PLPP3: variants seen among roughly 807,000 people sequenced by gnomAD.
The protein encoded by PLPP3 is phospholipid phosphatase 3.
A neutral mutation model predicts 29.6 loss-of-function variants in PLPP3; 6 were observed. The ratio of observed to expected loss-of-function variants is 0.20; its 90% confidence interval spans 0.11 to 0.40. The LOEUF is 0.40. Ranked by LOEUF, PLPP3 falls within the 10% of genes least tolerant of loss-of-function variation. The pLI is 1.00. For synonymous variants in PLPP3, 152 were observed against 159.7 expected (o/e 0.95, Z 0.36); for missense variants, 308 against 407.7 (o/e 0.76, Z 2.11).
intron 5 of PLPP3, among the ~76,000 whole-genome samples, chr1:56,499,513 T>C (rs1264652544): frequency 6.6e-6 from 1 of 152,198 alleles, no homozygotes; most frequent in Non-Finnish European, 1.5e-5. Context: ...AAAAATTCTC[T>C]CTACTTACTA....
intron 1 of PLPP3, among the ~76,000 whole-genome samples, chr1:56,544,334 T>C (rs1398274181): frequency 6.6e-6 from 1 of 152,188 alleles, no homozygotes; most frequent in Non-Finnish European, 1.5e-5. Context: ...CAAACCTCTT[T>C]TGTCATCATT....
intron 1 of PLPP3, among the ~76,000 whole-genome samples, chr1:56,578,565 C>G (rs1646253356): frequency 6.6e-6 from 1 of 152,206 alleles, no homozygotes; most frequent in African/African-American, 2.4e-5. Flanking sequence ...GCTAAAAGGA[C>G]GAACCCACAC....
chr1:56,496,485 T>G lies in PLPP3; in HGVS notation c.*66A>C. On this transcript the variant is annotated 3_prime_UTR_variant, in exon 6 of 6. Coordinates refer to ENST00000371250, the MANE Select transcript of PLPP3 (RefSeq NM_003713.5). ...CCTACATTCTACTGTCTGATGAGAT[T>G]GGAGAGCAGCAAGAACTTGCTGTCA... is the stretch of plus-strand genomic sequence containing the variant. 6.3e-7 allele frequency: 1 copy of G among 1,577,306 alleles called. No individual in the cohort carries two copies. Among genetic ancestry groups the G allele is most frequent in the Non-Finnish European group, 8.7e-7 (1 of 1,151,554 alleles).
In PLPP3 at chr1:56,523,895, G is replaced by C. The variant is rs1389486247; in HGVS notation, c.576-15C>G. On this transcript the variant is annotated splice_polypyrimidine_tract_variant and intron_variant, in intron 3 of 5. Transcript: ENST00000371250. ...AGAAGGACTTCCTGCAAGAGCAAGA[G>C]AGGGCCATGAAAGGGCCGTATTCAC... 1.2e-6 allele frequency: 2 copies of C among 1,613,018 alleles called. No individual in the cohort carries two copies. Among genetic ancestry groups the C allele is most frequent in the East Asian group, 4.5e-5 (2 of 44,830 alleles).
At chr1:56,571,206 C>T (rs1646195338) in intron 1 of PLPP3, among the ~76,000 whole-genome samples, 1 of 152,164 alleles carries the variant, frequency 6.6e-6, no homozygotes, top group South Asian at 2.1e-4. Context: ...ACCTCTAGTT[C>T]CCATTTGTGA....
intron 1 of PLPP3, among the ~76,000 whole-genome samples, chr1:56,574,556 G>A (rs903907031): frequency 6.6e-6 from 1 of 152,088 alleles, no homozygotes; most frequent in Admixed American, 6.5e-5. Flanking sequence ...CACCCAACGA[G>A]GCTCTTTTCT....
At position 56,523,673 on chromosome 1, in the gene PLPP3, C is replaced by T. The variant is rs187336815; in HGVS notation, c.633+150G>A. On this transcript the variant is annotated intron_variant, in intron 4 of 5. Transcript: ENST00000371250. ...ATAACTTCTGCTAAGGCAGTGGCAG[C>T]GCTCAGAATTAAACCTAACTTTTCT... 5.0e-3 allele frequency: 4,004 copies of T among 794,768 alleles called. 21 individuals are homozygous for T. Among genetic ancestry groups the T allele is most frequent in the South Asian group, 0.018 (1,063 of 59,460 alleles). 49.2% of individuals were successfully genotyped at this position (794,768 alleles called of 1,614,324 possible).
intron 1 of PLPP3, among the ~76,000 whole-genome samples, chr1:56,542,813 T>G (rs1645979101): frequency 6.6e-6 from 1 of 151,922 alleles, no homozygotes; most frequent in Non-Finnish European, 1.5e-5. Context: ...CTTGAGCTCA[T>G]AAGTCCGAGA....
rs1426495797 is a variant in PLPP3 at position 56,496,340 on chromosome 1, C to G, written c.*211G>C. On this transcript the variant is annotated 3_prime_UTR_variant, in exon 6 of 6. Coordinates refer to ENST00000371250, the MANE Select transcript of PLPP3 (RefSeq NM_003713.5). ...TTAAACCAATTGCACATCCAGGACT[C>G]TGGCACTTGGTGTTAGTTTGCTGTT... 2.2e-5 allele frequency: 11 copies of G among 496,030 alleles called. No individual in the cohort carries two copies. Among genetic ancestry groups the G allele is most frequent in the Non-Finnish European group, 3.6e-5 (10 of 276,920 alleles). The allele number at this position is 496,030 out of a possible 1,614,324, so 30.7% of individuals were successfully genotyped here.
chr1:56,559,130 G>T (rs1357221532), intron 1 of PLPP3, among the ~76,000 whole-genome samples: 3 of 152,178 alleles, frequency 2.0e-5, no homozygotes, highest in Non-Finnish European at 4.4e-5. Flanking sequence ...AGGGGGTAGG[G>T]TGAGCAGAAA....
intron 5 of PLPP3, among the ~76,000 whole-genome samples, chr1:56,498,249 C>T (rs766609369): frequency 1.9e-4 from 29 of 152,150 alleles, no homozygotes; most frequent in Non-Finnish European, 3.5e-4. Flanking sequence ...GTCTCCTAGT[C>T]AGAGTCAAAC....
chr1:56,531,627 T>C (rs537637234), intron 2 of PLPP3, among the ~76,000 whole-genome samples: 2 of 152,324 alleles, frequency 1.3e-5, no homozygotes, highest in African/African-American at 4.8e-5. Context: ...CTTTTATAGC[T>C]AACTAAATAA....
At chr1:56,544,579 T>C (rs1569578076) in intron 1 of PLPP3, among the ~76,000 whole-genome samples, 1 of 152,200 alleles carries the variant, frequency 6.6e-6, no homozygotes, top group Non-Finnish European at 1.5e-5. Context: ...AAATTAATTA[T>C]TAGGATATAG....
intron 2 of PLPP3, among the ~76,000 whole-genome samples, chr1:56,526,873 A>C (rs1383274303): frequency 6.6e-6 from 1 of 152,184 alleles, no homozygotes; most frequent in East Asian, 1.9e-4. Context: ...AGCAGAACCA[A>C]GGCCCCAGAT....
Position 56,579,029 on chromosome 1 carries a change from G to C in PLPP3, c.-13C>G. Reference sequence around the variant, plus strand: ...TGTAGTTTTGCATGGCGCTGGCTGCGGCGCGAGCCTCCCGCCCCGCGAAGA... The same window carrying C: ...TGTAGTTTTGCATGGCGCTGGCTGCCGCGCGAGCCTCCCGCCCCGCGAAGA... On this transcript the variant is annotated 5_prime_UTR_variant, in exon 1 of 6. Transcript: ENST00000371250. 2 of 1,583,470 alleles carry C rather than the reference G, an allele frequency of 1.3e-6. No individual in the cohort carries two copies. Among genetic ancestry groups the C allele is most frequent in the Non-Finnish European group, 1.7e-6 (2 of 1,168,360 alleles).
At chr1:56,534,309 A>G (rs1645909219) in intron 2 of PLPP3, among the ~76,000 whole-genome samples, 1 of 152,212 alleles carries the variant, frequency 6.6e-6, no homozygotes, top group African/African-American at 2.4e-5. Context: ...AAAGAGGTCA[A>G]CATGACTAGG....
intron 1 of PLPP3, among the ~76,000 whole-genome samples, chr1:56,541,417 G>A (rs957314768): frequency 2.0e-5 from 3 of 152,190 alleles, no homozygotes; most frequent in African/African-American, 7.2e-5. Context: ...TAGTAAGTTA[G>A]TATGTGCCCA....
intron 1 of PLPP3, among the ~76,000 whole-genome samples, chr1:56,554,391 T>A (rs1465471170): frequency 2.6e-5 from 4 of 151,794 alleles, no homozygotes; most frequent in Non-Finnish European, 5.9e-5. Flanking sequence ...GCTAACACGG[T>A]GAAACCCTGA....
At chr1:56,525,613 A>T (rs1557503493) in intron 2 of PLPP3, among the ~76,000 whole-genome samples, 1 of 151,904 alleles carries the variant, frequency 6.6e-6, no homozygotes, top group East Asian at 1.9e-4. Flanking sequence ...ACAACCACAC[A>T]CCCTGCTGCC....
Sources: gnomAD v4.1 joint callset for allele counts (sites outside exome capture counted in the v4.1 genomes callset) on GRCh38, gnomAD v4.1.1 for gene constraint, MANE v1.5 for transcripts, NCBI Gene and HGNC (gene_info 2026-07-23, HGNC 2026-07-21) for gene names.